The following CCDC178 variants were observed in gnomAD, a reference collection of about 807,000 sequenced individuals.
CCDC178 encodes coiled-coil domain-containing protein 178.
CCDC178 carries 126 observed loss-of-function variants against 117.4 expected under a neutral mutation model. The observed-to-expected ratio is 1.07, with a 90% CI of 0.93 to 1.24. The LOEUF (loss-of-function observed/expected upper bound fraction) is 1.24. Ranked by LOEUF, CCDC178 falls within the 50% of genes most tolerant of loss-of-function variation. The pLI is 0.00. For missense variants in CCDC178, 1,030 were observed against 986.9 expected (o/e 1.04, Z -0.59); for synonymous variants, 283 against 313.4 (o/e 0.90, Z 1.02).
chr18:32,966,264 G>A (rs2054811528), intron 22 of CCDC178, among the ~76,000 whole-genome samples: 1 of 151,590 alleles, frequency 6.6e-6, no homozygotes, highest in African/African-American at 2.4e-5. Flanking sequence ...TATTTGTGGG[G>A]CTTTTCTTGG....
At chr18:32,991,844 C>G (rs1401798350) in intron 21 of CCDC178, among the ~76,000 whole-genome samples, 1 of 152,124 alleles carries the variant, frequency 6.6e-6, no homozygotes, top group African/African-American at 2.4e-5. Context: ...TTTTAATGCT[C>G]CTGAAGAATT....
chr18:33,301,520 A>C (rs2062176311), intron 11 of CCDC178, among the ~76,000 whole-genome samples: 1 of 152,198 alleles, frequency 6.6e-6, no homozygotes, highest in Non-Finnish European at 1.5e-5. Context: ...ATCCACAGTC[A>C]CTCAACTCCA....
At chr18:33,245,214 C>G in intron 15 of CCDC178, 31 bp downstream of exon 15, 1 of 1,469,698 alleles carries the variant, frequency 6.8e-7, no homozygotes, top group Non-Finnish European at 9.0e-7. Context: ...TTTTTTTCAT[C>G]ATGAGTAAGA....
Position 33,223,228 on chromosome 18 carries a change from C to T in CCDC178, c.1819-9G>A, listed in dbSNP as rs959042554. On this transcript the variant is annotated splice_polypyrimidine_tract_variant and intron_variant, in intron 17 of 22. Coordinates refer to ENST00000383096, the MANE Select transcript of CCDC178 (RefSeq NM_001105528.4). The stretch of plus-strand genomic sequence containing the variant: ...ATTATATTATTAAGCATCTAGAAGA[C>T]ATTCAGATATTAAGATGTGCAGCAT... 2 of 1,585,906 alleles carry T rather than the reference C, an allele frequency of 1.3e-6. No homozygotes were observed. Among genetic ancestry groups the T allele is most frequent in the Non-Finnish European group, 8.6e-7 (1 of 1,167,200 alleles).
At chr18:32,951,139 T>C (rs534250435) in intron 22 of CCDC178, among the ~76,000 whole-genome samples, 91 of 152,362 alleles carry the variant, frequency 6.0e-4, no homozygotes, top group Non-Finnish European at 1.2e-3. Context: ...CTTTTTTTAC[T>C]CAGTTATTAC....
chr18:33,097,997 T>C (rs74569643), intron 20 of CCDC178, among the ~76,000 whole-genome samples: 1 of 152,096 alleles, frequency 6.6e-6, no homozygotes, highest in African/African-American at 2.4e-5. Context: ...CTGGGACCTG[T>C]AGAACTGTGG....
At chr18:33,199,570 G>C (rs558157282) in intron 20 of CCDC178, among the ~76,000 whole-genome samples, 1 of 152,170 alleles carries the variant, frequency 6.6e-6, no homozygotes, top group South Asian at 2.1e-4. Context: ...ATTCTAACTT[G>C]TTGTCATCTG....
At chr18:33,399,461 G>A (rs2063681980) in intron 3 of CCDC178, among the ~76,000 whole-genome samples, 1 of 152,206 alleles carries the variant, frequency 6.6e-6, no homozygotes, top group Non-Finnish European at 1.5e-5. Flanking sequence ...CAAAAAGGAA[G>A]CCAATCCTCT....
At chr18:33,166,496 T>G (rs1224453668) in intron 20 of CCDC178, among the ~76,000 whole-genome samples, 1 of 152,114 alleles carries the variant, frequency 6.6e-6, no homozygotes, top group Non-Finnish European at 1.5e-5. Context: ...CTTAGAGCCC[T>G]TAAACTCGTT....
intron 6 of CCDC178, among the ~76,000 whole-genome samples, chr18:33,367,790 A>C (rs1400201857): frequency 3.9e-5 from 6 of 152,022 alleles, no homozygotes; most frequent in Non-Finnish European, 8.8e-5. Context: ...GTCAATAATA[A>C]AACAAAATAA....
At chr18:33,230,246 CTGTGTGTGTGTGTG>C (rs111674114) in intron 15 of CCDC178, among the ~76,000 whole-genome samples, 1 of 147,998 alleles carries the variant, frequency 6.8e-6, no homozygotes, top group Non-Finnish European at 1.5e-5. Flanking sequence ...AACTCAGAGG[CTGTGTGTGTGTGTG>C]TGTGTGTGTG....
chr18:33,361,154 T>C (rs2063121534), intron 6 of CCDC178, among the ~76,000 whole-genome samples: 1 of 151,498 alleles, frequency 6.6e-6, no homozygotes, highest in South Asian at 2.1e-4. Flanking sequence ...CATAGACCAA[T>C]GGAATAGAAT....
At chr18:33,091,494 A>AT (rs747282725) in intron 21 of CCDC178, among the ~76,000 whole-genome samples, 32 of 151,212 alleles carry the variant, frequency 2.1e-4, no homozygotes, top group South Asian at 1.9e-3. Flanking sequence ...ATGCCACCAC[A>AT]TTCGGCTAAT....
intron 21 of CCDC178, among the ~76,000 whole-genome samples, chr18:32,987,526 T>C (rs2055288710): frequency 6.6e-6 from 1 of 152,126 alleles, no homozygotes; most frequent in Admixed American, 6.5e-5. Context: ...TATATATGCA[T>C]ATATATGTGT....
chr18:32,989,620 T>C (rs1337262636), intron 21 of CCDC178, among the ~76,000 whole-genome samples: 1 of 152,184 alleles, frequency 6.6e-6, no homozygotes, highest in African/African-American at 2.4e-5. Context: ...ACTTTAATTA[T>C]GGAATTTGCA....
At chr18:32,961,596 A>T (rs2054703945) in intron 22 of CCDC178, among the ~76,000 whole-genome samples, 1 of 152,156 alleles carries the variant, frequency 6.6e-6, no homozygotes, top group East Asian at 1.9e-4. Context: ...ATTTTTCCAC[A>T]GACAGAGCAG....
intron 10 of CCDC178, among the ~76,000 whole-genome samples, chr18:33,332,253 A>G (rs2062679095): frequency 6.6e-6 from 1 of 152,174 alleles, no homozygotes; most frequent in South Asian, 2.1e-4. Flanking sequence ...CATTATAAAG[A>G]TTGTCTTTGG....
chr18:33,340,224 C>A (rs2144656110), intron 9 of CCDC178, among the ~76,000 whole-genome samples: 1 of 152,106 alleles, frequency 6.6e-6, no homozygotes, highest in Non-Finnish European at 1.5e-5. Flanking sequence ...GGCATTTTGC[C>A]CCTGCCCCAG....
intron 14 of CCDC178, among the ~76,000 whole-genome samples, chr18:33,255,783 CTGAGA>C (rs2059672422): frequency 6.6e-6 from 1 of 151,962 alleles, no homozygotes; most frequent in African/African-American, 2.4e-5. Context: ...TATAAATGGG[CTGAGA>C]TTAGTACCCT....
Sources: gnomAD v4.1 joint callset for allele counts (sites outside exome capture counted in the v4.1 genomes callset) on GRCh38, gnomAD v4.1.1 for gene constraint, MANE v1.5 for transcripts, NCBI Gene and HGNC (gene_info 2026-07-23, HGNC 2026-07-21) for gene names.